Variants in PLEKHF2 observed in about 807,000 individuals in gnomAD.
PLEKHF2 encodes pleckstrin homology and FYVE domain containing 2, also known as pleckstrin homology domain-containing family F member 2.
A neutral mutation model predicts 14.7 loss-of-function variants in PLEKHF2; 4 were observed. The ratio of observed to expected loss-of-function variants is 0.27; its 90% confidence interval spans 0.13 to 0.62. The LOEUF is 0.62. PLEKHF2 is among the 20% of genes least tolerant of loss of function. The probability of loss-of-function intolerance (pLI) is 0.85; values close to 1 mark genes in which losing one functional copy is unlikely to be tolerated. For missense variants in PLEKHF2, 201 were observed against 307.7 expected (o/e 0.65, Z 2.60); for synonymous variants, 90 against 103.5 (o/e 0.87, Z 0.79).
chr8:95,137,388 A>G (rs1348925544), intron 1 of PLEKHF2, among the ~76,000 whole-genome samples: 2 of 152,264 alleles, frequency 1.3e-5, no homozygotes, highest in East Asian at 1.9e-4. Context: ...TTGGCTGCAC[A>G]TTAAAATCTC....
chr8:95,137,779 C>T (rs1475522760), intron 1 of PLEKHF2, among the ~76,000 whole-genome samples: 1 of 152,200 alleles, frequency 6.6e-6, no homozygotes, highest in Non-Finnish European at 1.5e-5. Context: ...ACCCCCACTG[C>T]TACTCTACAA....
intron 1 of PLEKHF2, among the ~76,000 whole-genome samples, chr8:95,143,342 G>A (rs374381081): frequency 3.9e-5 from 6 of 152,030 alleles, no homozygotes; most frequent in Admixed American, 2.0e-4. Flanking sequence ...CTTGTGATCC[G>A]CCCGCCTCGG....
rs986711997 is a variant in PLEKHF2, at chr8:95,138,361, C to CA, written c.-15+4331_-15+4332insA. Among the ~76,000 whole-genome samples the CA allele has an allele frequency of 8.0e-5, 7 of 87,516 alleles. No homozygotes were observed. In the South Asian group the frequency reaches 3.1e-3, roughly 39 times the overall value. The allele number at this position is 87,516 out of a possible 152,430, so 57.4% of individuals were successfully genotyped here. A position where few individuals can be genotyped will look rare whatever the true frequency, so the allele number is the denominator to read the frequency against. On this transcript the variant is annotated intron_variant, in intron 1 of 1. Coordinates refer to ENST00000315367, the MANE Select transcript of PLEKHF2 (RefSeq NM_024613.4). Reference sequence around the variant, plus strand: ...CACCAACTTCTTCATCTTCCCCCCCCCCCCGCCCCTTTTTCAGAAGTGGAA... The same window carrying CA: ...CACCAACTTCTTCATCTTCCCCCCCCACCCCGCCCCTTTTTCAGAAGTGGAA...
rs1810601208 is a variant in PLEKHF2, at chr8:95,155,008, A to G, written c.*214A>G. 2.0e-6 allele frequency: 1 copy of G among 510,000 alleles called. No individual in the cohort carries two copies. The highest frequency in any genetic ancestry group is 3.7e-5 in the Admixed American group (1 of 27,356). The allele number at this position is 510,000 out of a possible 1,614,324, so 31.6% of individuals were successfully genotyped here. ...TCTACAGGGATAGGCTTTTGCAAAT[A>G]TATCAGATAAATTTTTTGTTTCTTG... On this transcript the variant is annotated 3_prime_UTR_variant, in exon 2 of 2. Coordinates refer to ENST00000315367, the MANE Select transcript of PLEKHF2 (RefSeq NM_024613.4).
rs1277961140 is a variant in PLEKHF2 at position 95,154,008 on chromosome 8, T to C, written c.-14-23T>C. ...GGAATTTATAATTTATATGTGCTAATTTCTTTTTCTTTTTTTTAAAAGGCT... is the reference window on the plus strand; with the variant it reads ...GGAATTTATAATTTATATGTGCTAACTTCTTTTTCTTTTTTTTAAAAGGCT... On this transcript the variant is annotated intron_variant, in intron 1 of 1. Transcript: ENST00000315367. The surrounding 1 kb of genome is among the most constrained non-coding windows in gnomAD (Gnocchi z 5.6). 4 of 1,471,024 alleles carry C rather than the reference T, an allele frequency of 2.7e-6. No homozygotes were observed. The highest frequency in any genetic ancestry group is 3.6e-6 in the Non-Finnish European group (4 of 1,104,094). The allele number at this position is 1,471,024 out of a possible 1,614,324, so 91.1% of individuals were successfully genotyped here.
At chr8:95,139,529 A>G (rs1422894120) in intron 1 of PLEKHF2, among the ~76,000 whole-genome samples, 1 of 151,986 alleles carries the variant, frequency 6.6e-6, no homozygotes, top group Non-Finnish European at 1.5e-5. Context: ...ATAAATGTTG[A>G]CCCTTTGCCA....
chr8:95,139,973 C>G (rs748100064), intron 1 of PLEKHF2, among the ~76,000 whole-genome samples: 19 of 152,104 alleles, frequency 1.2e-4, no homozygotes, highest in Non-Finnish European at 2.6e-4. Flanking sequence ...GCTTTCTAAA[C>G]TAGGGGTTCC....
chr8:95,142,879 C>G (rs1449668954), intron 1 of PLEKHF2, among the ~76,000 whole-genome samples: 1 of 152,076 alleles, frequency 6.6e-6, no homozygotes, highest in Non-Finnish European at 1.5e-5. Flanking sequence ...TCCAGTGAAG[C>G]AGTTGATGGG....
At chr8:95,144,043 C>CT (rs1209122060) in intron 1 of PLEKHF2, among the ~76,000 whole-genome samples, 1 of 150,784 alleles carries the variant, frequency 6.6e-6, no homozygotes, top group African/African-American at 2.4e-5. Context: ...TTTTCTTTTT[C>CT]TTTTTTTCTT....
chr8:95,154,439 ATTT>A lies in PLEKHF2; in HGVS notation c.396_398del (p.Asp132_Leu133delinsGlu). The A allele has an allele frequency of 6.2e-7, 1 of 1,614,000 alleles. No homozygotes were observed. The highest frequency in any genetic ancestry group is 8.5e-7 in the Non-Finnish European group (1 of 1,179,918). On this transcript the variant is annotated inframe_deletion, in exon 2 of 2. Coordinates refer to ENST00000315367, the MANE Select transcript of PLEKHF2 (RefSeq NM_024613.4). This position sits in a 1 kb window ranked among gnomAD's most constrained non-coding sequence, Gnocchi z 5.6. ...AATCATATAAATAAATGTGTTACTG[ATTT>A]ACTCTCCAAAAGTGGGAAGACACCC...
At chr8:95,144,381 T>C (rs1050385376) in intron 1 of PLEKHF2, among the ~76,000 whole-genome samples, 9 of 152,256 alleles carry the variant, frequency 5.9e-5, no homozygotes, top group Non-Finnish European at 7.3e-5. Flanking sequence ...TAGTCATAGC[T>C]TTGCCTTTTA....
chr8:95,151,558 TA>T (rs61241700), intron 1 of PLEKHF2, among the ~76,000 whole-genome samples: 6,760 of 150,072 alleles, frequency 0.045, 250 homozygotes, highest in Middle Eastern at 0.12. Flanking sequence ...AAAATCACTT[TA>T]AAAAAAAAAT....
chr8:95,146,215 T>TA (rs34933744), intron 1 of PLEKHF2, among the ~76,000 whole-genome samples: 12,214 of 151,210 alleles, frequency 0.081, 666 homozygotes, highest in African/African-American at 0.14. Context: ...TTTTCTTCTT[T>TA]AAAAAAAAAG....
chr8:95,141,860 G>A (rs1017383296), intron 1 of PLEKHF2, among the ~76,000 whole-genome samples: 3 of 152,038 alleles, frequency 2.0e-5, no homozygotes, highest in African/African-American at 7.2e-5. Context: ...TTTTATGTGC[G>A]TTTTTACTTG....
At chr8:95,151,896 G>A (rs1810568757) in intron 1 of PLEKHF2, among the ~76,000 whole-genome samples, 1 of 151,990 alleles carries the variant, frequency 6.6e-6, no homozygotes, top group Non-Finnish European at 1.5e-5. Flanking sequence ...TATGTTGTGT[G>A]TGTGCTTACA....
At chr8:95,136,681 T>C (rs895525152) in intron 1 of PLEKHF2, among the ~76,000 whole-genome samples, 1 of 152,216 alleles carries the variant, frequency 6.6e-6, no homozygotes, top group African/African-American at 2.4e-5. Context: ...GCCGGAATTG[T>C]CTTAGAATTT....
intron 1 of PLEKHF2, among the ~76,000 whole-genome samples, chr8:95,139,913 G>A (rs78211785): frequency 9.0e-4 from 137 of 151,712 alleles, no homozygotes; most frequent in Non-Finnish European, 1.7e-3. Context: ...TTGAAAAGGT[G>A]CTTTGTGCTC....
In PLEKHF2 at chr8:95,137,793, C is replaced by T. The variant is rs185692845; in HGVS notation, c.-15+3763C>T. 1.1e-4 allele frequency among the ~76,000 whole-genome samples: 16 copies of T among 152,350 alleles called. 1 individual carries two copies. In the East Asian group the frequency reaches 3.1e-3, roughly 29 times the overall value. On this transcript the variant is annotated intron_variant, in intron 1 of 1. Transcript: ENST00000315367. The stretch of plus-strand genomic sequence containing the variant: ...GACCCCCACTGCTACTCTACAACAG[C>T]AGCCTGCATGTTGTGACCATGTTAC...
intron 1 of PLEKHF2, among the ~76,000 whole-genome samples, chr8:95,147,882 GGAA>G (rs1810516363): frequency 6.6e-6 from 1 of 151,810 alleles, no homozygotes. Flanking sequence ...AAAAGGCAAA[GGAA>G]GACATTTCAG....
Sources: gnomAD v4.1 joint callset for allele counts (sites outside exome capture counted in the v4.1 genomes callset) on GRCh38, gnomAD v4.1.1 for gene constraint, Gnocchi (gnomAD v3.1) non-coding constraint, MANE v1.5 for transcripts, NCBI Gene and HGNC (gene_info 2026-07-23, HGNC 2026-07-21) for gene names.